ZNF385D: variants seen among roughly 807,000 people sequenced by gnomAD.
ZNF385D encodes the protein zinc finger protein 385D.
ZNF385D carries 15 observed loss-of-function variants against 35.8 expected under a neutral mutation model. The observed-to-expected ratio is 0.42, with a 90% CI of 0.28 to 0.64. The LOEUF is 0.64. Ranked by LOEUF, ZNF385D falls within the 30% of genes least tolerant of loss-of-function variation. The pLI is 0.23. For synonymous variants in ZNF385D, 212 were observed against 186.8 expected (o/e 1.13, Z -1.10); for missense variants, 474 against 494.6 (o/e 0.96, Z 0.39).
chr3:22,192,924 G>C (rs1385330415), intron 2 of ZNF385D, among the ~76,000 whole-genome samples: 3 of 152,090 alleles, frequency 2.0e-5, no homozygotes, highest in African/African-American at 7.2e-5. Flanking sequence ...AAACCATACT[G>C]AATGTTTGAG....
At chr3:21,714,517 C>A (rs1466842216) in intron 1 of ZNF385D, among the ~76,000 whole-genome samples, 1 of 152,154 alleles carries the variant, frequency 6.6e-6, no homozygotes, top group African/African-American at 2.4e-5. Context: ...GAACAATATT[C>A]CAAGCTAAGG....
In ZNF385D at chr3:21,501,643, A is replaced by G. The variant is rs544151202; in HGVS notation, c.439+9218T>C. Among the ~76,000 whole-genome samples the G allele has an allele frequency of 4.6e-5, 7 of 152,332 alleles. No homozygotes were observed. In the East Asian group the frequency reaches 1.2e-3, roughly 25 times the overall value. ...ATAGATACTCATTTGACATTCTGTC[A>G]TATTTTATCATTGTTCAACTCTTTT... On this transcript the variant is annotated intron_variant, in intron 4 of 7. Coordinates refer to ENST00000281523, the MANE Select transcript of ZNF385D (RefSeq NM_024697.3).
intron 3 of ZNF385D, among the ~76,000 whole-genome samples, chr3:22,044,536 AAGC>A (rs1349127134): frequency 6.6e-6 from 1 of 152,156 alleles, no homozygotes; most frequent in Non-Finnish European, 1.5e-5. Flanking sequence ...TTTAAATAAA[AAGC>A]AGGAGATATT....
chr3:21,672,525 G>T (rs1364938938), intron 1 of ZNF385D, among the ~76,000 whole-genome samples: 1 of 152,080 alleles, frequency 6.6e-6, no homozygotes, highest in Non-Finnish European at 1.5e-5. Context: ...ATGGGAGTAT[G>T]AGTCAGGGCA....
At chr3:21,866,074 T>C (rs73040514) in intron 3 of ZNF385D, among the ~76,000 whole-genome samples, 13,885 of 152,068 alleles carry the variant, frequency 0.091, 793 homozygotes, top group East Asian at 0.15. Flanking sequence ...TATGTACAAA[T>C]ATACATATAT....
intron 1 of ZNF385D, among the ~76,000 whole-genome samples, chr3:21,673,852 T>C (rs1334100795): frequency 1.3e-5 from 2 of 152,130 alleles, no homozygotes; most frequent in Non-Finnish European, 2.9e-5. Context: ...AGTTTTCATT[T>C]CTGCCAACAA....
intron 1 of ZNF385D, among the ~76,000 whole-genome samples, chr3:21,700,383 T>C (rs1382059886): frequency 6.6e-6 from 1 of 152,214 alleles, no homozygotes; most frequent in Non-Finnish European, 1.5e-5. Flanking sequence ...TGACACCTAG[T>C]AAAGGAGTAA....
chr3:21,855,822 C>T (rs980993145), intron 3 of ZNF385D, among the ~76,000 whole-genome samples: 1 of 151,970 alleles, frequency 6.6e-6, no homozygotes, highest in Non-Finnish European at 1.5e-5. Flanking sequence ...ATGCTTGACT[C>T]TTCATAATAA....
At chr3:21,947,846 G>A (rs972570027) in intron 3 of ZNF385D, among the ~76,000 whole-genome samples, 1 of 151,914 alleles carries the variant, frequency 6.6e-6, no homozygotes, top group Admixed American at 6.6e-5. Context: ...TTATGTATTT[G>A]TCTATATTTA....
intron 3 of ZNF385D, among the ~76,000 whole-genome samples, chr3:22,015,710 C>A (rs766859072): frequency 1.3e-5 from 2 of 152,102 alleles, no homozygotes; most frequent in African/African-American, 4.8e-5. Flanking sequence ...TGGTTTTTCT[C>A]TTGTTTTTAC....
At chr3:21,437,966 G>A (rs1346128379) in intron 4 of ZNF385D, among the ~76,000 whole-genome samples, 1 of 152,072 alleles carries the variant, frequency 6.6e-6, no homozygotes. Flanking sequence ...GCCACACCAT[G>A]CTGTTGTCAC....
At chr3:22,265,509 C>G (rs1406615) in intron 2 of ZNF385D, among the ~76,000 whole-genome samples, 1 of 151,806 alleles carries the variant, frequency 6.6e-6, no homozygotes, top group Non-Finnish European at 1.5e-5. Context: ...CAGAGAAACG[C>G]AGTTGATTAC....
intron 3 of ZNF385D, among the ~76,000 whole-genome samples, chr3:22,018,886 A>G (rs574923497): frequency 6.6e-6 from 1 of 152,082 alleles, no homozygotes; most frequent in South Asian, 2.1e-4. Flanking sequence ...TTCCCAATGC[A>G]TAGGCTGTGT....
intron 3 of ZNF385D, among the ~76,000 whole-genome samples, chr3:22,136,077 CA>C (rs1704081689): frequency 6.6e-6 from 1 of 152,122 alleles, no homozygotes; most frequent in African/African-American, 2.4e-5. Context: ...TAAGACATGA[CA>C]ACAAAAGGAT....
intron 2 of ZNF385D, among the ~76,000 whole-genome samples, chr3:22,194,966 TAA>T (rs1696311653): frequency 6.6e-6 from 1 of 151,970 alleles, no homozygotes; most frequent in African/African-American, 2.4e-5. Context: ...TTTGTGAATT[TAA>T]GTTTTTATTT....
chr3:21,776,357 G>T (rs1426221674), intron 3 of ZNF385D, among the ~76,000 whole-genome samples: 1 of 151,900 alleles, frequency 6.6e-6, no homozygotes, highest in Non-Finnish European at 1.5e-5. Context: ...TCTCTCAAAA[G>T]ATCGTGCCAA....
chr3:21,855,963 A>G (rs1696691132), intron 3 of ZNF385D, among the ~76,000 whole-genome samples: 1 of 152,038 alleles, frequency 6.6e-6, no homozygotes, highest in Admixed American at 6.6e-5. Flanking sequence ...AAATCTGTCT[A>G]TCAATCACTT....
chr3:21,775,275 G>C (rs1031884314), intron 3 of ZNF385D, among the ~76,000 whole-genome samples: 19 of 151,750 alleles, frequency 1.3e-4, no homozygotes, highest in African/African-American at 4.1e-4. Flanking sequence ...CAAAGTATTT[G>C]CAGCAAGAAT....
At chr3:22,196,028 G>A (rs1019954273) in intron 2 of ZNF385D, among the ~76,000 whole-genome samples, 1 of 151,946 alleles carries the variant, frequency 6.6e-6, no homozygotes, top group Non-Finnish European at 1.5e-5. Flanking sequence ...TTTCGAGGGT[G>A]GAGGGTAAGA....
Sources: gnomAD v4.1 joint callset for allele counts (sites outside exome capture counted in the v4.1 genomes callset) on GRCh38, gnomAD v4.1.1 for gene constraint, MANE v1.5 for transcripts, NCBI Gene and HGNC (gene_info 2026-07-23, HGNC 2026-07-21) for gene names.